PDE10A: variants seen among roughly 807,000 people sequenced by gnomAD.
The protein encoded by PDE10A is cAMP and cAMP-inhibited cGMP 3',5'-cyclic phosphodiesterase 10A.
Under a neutral mutation model 97.7 loss-of-function variants are expected in PDE10A, and 39 were observed. The ratio of observed to expected loss-of-function variants is 0.40; its 90% CI spans 0.31 to 0.52. The LOEUF (loss-of-function observed/expected upper bound fraction) is 0.52. Among genes scored for constraint, PDE10A ranks in the 20% least tolerant of loss-of-function variants. The probability of loss-of-function intolerance (pLI) is 0.56; values close to 1 mark genes in which losing one functional copy is unlikely to be tolerated. For missense variants in PDE10A, 731 were observed against 1,047.8 expected (o/e 0.70, Z 4.17); for synonymous variants, 371 against 376.8 (o/e 0.98, Z 0.18).
At chr6:165,709,042 C>T (rs533503992) in intron 1 of PDE10A, among the ~76,000 whole-genome samples, 5 of 82,754 alleles carry the variant, frequency 6.0e-5, no homozygotes, top group Non-Finnish European at 9.9e-5. Context: ...CACGCTCACC[C>T]CCCACTCTCC....
intron 1 of PDE10A, among the ~76,000 whole-genome samples, chr6:165,826,775 G>A (rs1038060848): frequency 4.1e-5 from 6 of 146,960 alleles, no homozygotes; most frequent in African/African-American, 7.5e-5. Context: ...ATGTGCGGTT[G>A]GGAGGGGGGA....
At chr6:165,909,346 C>T (rs73253015) in intron 1 of PDE10A, among the ~76,000 whole-genome samples, 4,006 of 152,256 alleles carry the variant, frequency 0.026, 179 homozygotes, top group African/African-American at 0.093. Flanking sequence ...CAATGGGAGC[C>T]ACTTAGATAA....
chr6:165,352,826 C>T (rs1159231542), intron 18 of PDE10A, among the ~76,000 whole-genome samples: 1 of 152,046 alleles, frequency 6.6e-6, no homozygotes, highest in Non-Finnish European at 1.5e-5. Context: ...AGGCATGATT[C>T]ATGAAAGAAT....
At chr6:165,742,573 T>C (rs552390056) in intron 1 of PDE10A, among the ~76,000 whole-genome samples, 110 of 151,800 alleles carry the variant, frequency 7.2e-4, no homozygotes, top group African/African-American at 2.4e-3. Flanking sequence ...TGGGCTCGGG[T>C]CACTGACTAT....
At chr6:165,984,482 A>G (rs1384137451) in intron 1 of PDE10A, among the ~76,000 whole-genome samples, 1 of 152,280 alleles carries the variant, frequency 6.6e-6, no homozygotes, top group Non-Finnish European at 1.5e-5. Context: ...GTTATTTACC[A>G]TAATAATGGT....
At chr6:165,963,938 G>A (rs1366661474) in intron 1 of PDE10A, among the ~76,000 whole-genome samples, 1 of 152,208 alleles carries the variant, frequency 6.6e-6, no homozygotes, top group Non-Finnish European at 1.5e-5. Flanking sequence ...AAGGAAGGAA[G>A]GGCAAGAATC....
intron 1 of PDE10A, among the ~76,000 whole-genome samples, chr6:165,618,436 C>G (rs1787825802): frequency 6.6e-6 from 1 of 152,138 alleles, no homozygotes; most frequent in African/African-American, 2.4e-5. Flanking sequence ...CCAGAGGTGG[C>G]CACGTGTCCA....
At chr6:165,872,502 T>TG (rs35609774) in intron 1 of PDE10A, among the ~76,000 whole-genome samples, 1 of 152,060 alleles carries the variant, frequency 6.6e-6, no homozygotes, top group Admixed American at 6.6e-5. Flanking sequence ...CAGTGCAGTG[T>TG]GGGGGGAATT....
At chr6:165,353,288 G>C (rs1203166231) in intron 18 of PDE10A, among the ~76,000 whole-genome samples, 4 of 152,098 alleles carry the variant, frequency 2.6e-5, no homozygotes, top group African/African-American at 9.7e-5. Context: ...ATTTCATACA[G>C]AATTATGAAA....
chr6:165,555,659 T>G (rs966984305), intron 1 of PDE10A, among the ~76,000 whole-genome samples: 1 of 152,322 alleles, frequency 6.6e-6, no homozygotes, highest in South Asian at 2.1e-4. Flanking sequence ...TAATTAATGG[T>G]TTAGATACAT....
In PDE10A at chr6:165,676,454, G is replaced by C. The variant is rs192303085; in HGVS notation, c.-614-132886C>G. ...CCATGTGGGAAACCGGACAGGTGCC[G>C]CAGAGGAAGAGGTGGGTCAGGGTGC... is the stretch of plus-strand genomic sequence containing the variant. On this transcript the variant is annotated intron_variant, in intron 1 of 19. Coordinates refer to the PDE10A transcript ENST00000366882. 3.9e-5 allele frequency among the ~76,000 whole-genome samples: 6 copies of C among 152,216 alleles called. No homozygotes were observed. The East Asian group carries it at 1.2e-3, about 29-fold the overall frequency.
intron 2 of PDE10A, among the ~76,000 whole-genome samples, chr6:165,539,875 G>A (rs1339346620): frequency 2.6e-5 from 4 of 152,208 alleles, no homozygotes; most frequent in Middle Eastern, 3.4e-3. Context: ...GCAGTGAGCC[G>A]AGAGCACACC....
intron 18 of PDE10A, among the ~76,000 whole-genome samples, chr6:165,362,458 A>G (rs1783483424): frequency 6.6e-6 from 1 of 152,248 alleles, no homozygotes; most frequent in South Asian, 2.1e-4. Context: ...TAGACAAGTT[A>G]GTTGAAAATG....
chr6:165,792,005 C>T (rs1024438115), intron 1 of PDE10A, among the ~76,000 whole-genome samples: 1 of 152,190 alleles, frequency 6.6e-6, no homozygotes, highest in Admixed American at 6.5e-5. Context: ...CAGATGGAAT[C>T]GATCGGCTGG....
At chr6:165,563,169 GA>G (rs1337596447) in intron 1 of PDE10A, among the ~76,000 whole-genome samples, 1 of 145,378 alleles carries the variant, frequency 6.9e-6, no homozygotes, top group Non-Finnish European at 1.5e-5. Flanking sequence ...AAAAAAAGAA[GA>G]GGGGAGGGGG....
At chr6:165,361,040 A>T (rs1783383007) in intron 18 of PDE10A, among the ~76,000 whole-genome samples, 1 of 152,228 alleles carries the variant, frequency 6.6e-6, no homozygotes, top group African/African-American at 2.4e-5. Flanking sequence ...ACATTTATCA[A>T]ATAGAAAGAA....
chr6:165,814,243 G>A (rs1328321248), intron 1 of PDE10A, among the ~76,000 whole-genome samples: 2 of 152,132 alleles, frequency 1.3e-5, no homozygotes, highest in South Asian at 4.1e-4. Flanking sequence ...CGTGCAGCAA[G>A]GCTTCCTAGG....
At chr6:165,567,138 A>G (rs750672657) in intron 1 of PDE10A, among the ~76,000 whole-genome samples, 23 of 152,242 alleles carry the variant, frequency 1.5e-4, no homozygotes, top group Non-Finnish European at 1.5e-4. Flanking sequence ...TCAGAACTGC[A>G]TGGAATAATA....
At chr6:165,454,835 G>A (rs532095250) in intron 3 of PDE10A, among the ~76,000 whole-genome samples, 1 of 152,232 alleles carries the variant, frequency 6.6e-6, no homozygotes, top group East Asian at 1.9e-4. Flanking sequence ...TGTCTAAACA[G>A]AAAAGTTGTG....
Sources: allele counts gnomAD v4.1 joint callset (sites outside exome capture counted in the v4.1 genomes callset), GRCh38; gene constraint gnomAD v4.1.1; transcripts MANE v1.5; gene names NCBI Gene and HGNC (gene_info 2026-07-23, HGNC 2026-07-21).